Variants in DENND5A observed in about 807,000 individuals in gnomAD.
The protein encoded by DENND5A is DENN domain containing 5A, also known as DENN domain-containing protein 5A.
Under a neutral mutation model 140.3 loss-of-function variants are expected in DENND5A, and 64 were observed. The ratio of observed to expected loss-of-function variants is 0.46; its 90% CI spans 0.37 to 0.56. DENND5A has a LOEUF of 0.56. DENND5A is among the 20% of genes least tolerant of loss of function. The probability of loss-of-function intolerance (pLI) is 0.00; values close to 1 mark genes in which losing one functional copy is unlikely to be tolerated. For synonymous variants in DENND5A, 605 were observed against 607.7 expected, an observed-to-expected ratio of 1.00 and a Z score of 0.07; for missense variants, 1,292 against 1,593.8, an observed-to-expected ratio of 0.81 and a Z score of 3.22.
intron 12 of DENND5A, among the ~76,000 whole-genome samples, chr11:9,157,350 G>A (rs1847841196): frequency 6.6e-6 from 1 of 152,084 alleles, no homozygotes; most frequent in Non-Finnish European, 1.5e-5. Context: ...TTTATTTTAG[G>A]TTCAGGGGCA....
chr11:9,160,502 AAAAGTC>A (rs1349771474), intron 12 of DENND5A, among the ~76,000 whole-genome samples: 1 of 152,224 alleles, frequency 6.6e-6, no homozygotes, highest in Non-Finnish European at 1.5e-5. Context: ...GCCTCTTTTT[AAAAGTC>A]TGACAAACAC....
chr11:9,139,948 A>T, intron 22 of DENND5A, 94 bp from the exon 23 acceptor site: 1 of 1,304,590 alleles, frequency 7.7e-7, no homozygotes. Context: ...CCATGAACTA[A>T]GTCTGAAGCT....
chr11:9,240,018 T>C (rs1459737801), intron 1 of DENND5A, among the ~76,000 whole-genome samples: 1 of 152,194 alleles, frequency 6.6e-6, no homozygotes, highest in East Asian at 1.9e-4. Context: ...ACGCCCTCTA[T>C]AGTAAATTTT....
rs575457137 is a variant in DENND5A, at chr11:9,163,696, C to T, written c.2283+2140G>A. On this transcript the variant is annotated intron_variant, in intron 11 of 22. Transcript: ENST00000328194. ...GTGCACTCCTGTAATCCCAGCCACT[C>T]GGGAGGCTAAGGCACGAGAATTGCT... is the stretch of plus-strand genomic sequence containing the variant. 8.7e-4 allele frequency among the ~76,000 whole-genome samples: 132 copies of T among 151,152 alleles called. 2 individuals carry two copies. The highest frequency in any genetic ancestry group is 3.0e-3 in the African/African-American group (124 of 41,140).
At chr11:9,209,968 G>A (rs371553795) in intron 1 of DENND5A, among the ~76,000 whole-genome samples, 5 of 152,096 alleles carry the variant, frequency 3.3e-5, no homozygotes, top group African/African-American at 1.2e-4. Flanking sequence ...TTAGCCAGGC[G>A]TAGTGGCGGA....
At chr11:9,181,224 G>T (rs1848720613) in intron 5 of DENND5A, 140 bp from the exon 6 acceptor site, 1 of 704,040 alleles carries the variant, frequency 1.4e-6, no homozygotes, top group Non-Finnish European at 2.4e-6. Flanking sequence ...GGAAGATAGG[G>T]CTCAGAAATA....
chr11:9,189,928 C>A (rs1435260700), intron 5 of DENND5A, among the ~76,000 whole-genome samples: 1 of 152,244 alleles, frequency 6.6e-6, no homozygotes, highest in Non-Finnish European at 1.5e-5. Flanking sequence ...GCGTGAGCCA[C>A]TGTGCCCAGC....
intron 1 of DENND5A, among the ~76,000 whole-genome samples, chr11:9,259,332 G>A (rs1015547100): frequency 6.6e-6 from 1 of 151,686 alleles, no homozygotes; most frequent in Non-Finnish European, 1.5e-5. Flanking sequence ...GCCAACGCAG[G>A]CGGATCACAA....
intron 1 of DENND5A, among the ~76,000 whole-genome samples, chr11:9,224,087 G>A (rs554235429): frequency 2.0e-5 from 3 of 152,166 alleles, no homozygotes; most frequent in South Asian, 2.1e-4. Context: ...CCAACTACTA[G>A]GGAGGCTGAG....
intron 8 of DENND5A, among the ~76,000 whole-genome samples, chr11:9,174,122 A>AAAG (rs1848471630): frequency 6.7e-6 from 1 of 149,792 alleles, no homozygotes; most frequent in Non-Finnish European, 1.5e-5. Flanking sequence ...AAAAAAAAAA[A>AAAG]AAAAAAAGAA....
At chr11:9,256,500 T>C (rs1011254363) in intron 1 of DENND5A, among the ~76,000 whole-genome samples, 11 of 152,092 alleles carry the variant, frequency 7.2e-5, no homozygotes, top group African/African-American at 2.4e-4. Flanking sequence ...GTCCTTCCAC[T>C]AATGGATAAA....
Position 9,238,509 on chromosome 11 carries a change from C to A in DENND5A, c.109+26452G>T, listed in dbSNP as rs11042234. On this transcript the variant is annotated intron_variant, in intron 1 of 22. Transcript: ENST00000328194. ...TCGGCTCACTGCAACCTCTGCTTCC[C>A]GGGTTCACGCCATTCTCCTGCATCA... Among the ~76,000 whole-genome samples, 1,112 of 151,596 alleles carry A rather than the reference C, an allele frequency of 7.3e-3. 20 individuals carry two copies. Among genetic ancestry groups the A allele is most frequent in the African/African-American group, 0.026 (1,063 of 41,142 alleles).
chr11:9,209,449 A>G (rs1277729701), intron 1 of DENND5A, among the ~76,000 whole-genome samples: 1 of 152,096 alleles, frequency 6.6e-6, no homozygotes, highest in African/African-American at 2.4e-5. Flanking sequence ...ATCACTGGAG[A>G]AGTGATTGTT....
chr11:9,168,631 CA>C (rs539207304), intron 10 of DENND5A, among the ~76,000 whole-genome samples: 8,996 of 145,192 alleles, frequency 0.062, 366 homozygotes, highest in South Asian at 0.11. Flanking sequence ...GCTACTCTCA[CA>C]AAAAAAAAAA....
At chr11:9,181,274 GT>G (rs1848722842) in intron 5 of DENND5A, among the ~76,000 whole-genome samples, 190 bp from the exon 6 acceptor site, 1 of 152,102 alleles carries the variant, frequency 6.6e-6, no homozygotes, top group Non-Finnish European at 1.5e-5. Context: ...CCACATTCTC[GT>G]TGTGTGACCT....
Position 9,193,652 on chromosome 11 carries a change from T to C in DENND5A, c.979A>G (p.Thr327Ala), listed in dbSNP as rs767389284. Residue 327 changes from threonine to alanine, a missense_variant, in exon 5 of 23, where the codon ACG becomes GCG. Physicochemically the swap from Thr to Ala is moderately conservative, Grantham distance 58. Transcript: ENST00000328194. The part of the protein sequence containing the change: ...HYQRLMTVAE[T>A]ITALMFPFQW... The stretch of plus-strand genomic sequence containing the variant: ...AAAGGAAACATGAGAGCTGTAATCG[T>C]CTCCGCCACAGTCATCAGTCTCTGG... 2 of 1,613,510 alleles carry C rather than the reference T, an allele frequency of 1.2e-6. No individual in the cohort carries two copies. Among genetic ancestry groups the C allele is most frequent in the Non-Finnish European group, 1.7e-6 (2 of 1,179,746 alleles).
intron 2 of DENND5A, chr11:9,207,077 G>T: frequency 2.2e-6 from 1 of 452,794 alleles, no homozygotes; most frequent in Non-Finnish European, 4.0e-6. Context: ...GAAAGCACAA[G>T]GAATGACAAG....
chr11:9,175,452 A>G (rs1848517463), intron 8 of DENND5A: 1 of 152,252 alleles, frequency 6.6e-6, no homozygotes, highest in Non-Finnish European at 1.5e-5. Flanking sequence ...GTTTCTTTGC[A>G]GAAGTTGGCA....
chr11:9,163,281 C>T lies in DENND5A; in HGVS notation c.2284-2416G>A, dbSNP rs555671231. On this transcript the variant is annotated intron_variant, in intron 11 of 22. Transcript: ENST00000328194. Reference sequence around the variant, plus strand: ...CTAGGAGAAGAATTACTAAACAATACTATGCTGTTTTCCAAAATCATCATA... The same window carrying T: ...CTAGGAGAAGAATTACTAAACAATATTATGCTGTTTTCCAAAATCATCATA... 2.0e-5 allele frequency among the ~76,000 whole-genome samples: 3 copies of T among 152,276 alleles called. No homozygotes were observed. In the South Asian group the frequency reaches 6.2e-4, roughly 32 times the overall value.
Sources: gnomAD v4.1 joint callset for allele counts (sites outside exome capture counted in the v4.1 genomes callset) on GRCh38, gnomAD v4.1.1 for gene constraint, MANE v1.5 for transcripts, NCBI Gene and HGNC (gene_info 2026-07-23, HGNC 2026-07-21) for gene names.